The following LOXL1 variants were observed in gnomAD, a reference collection of about 807,000 sequenced individuals.
LOXL1 encodes lysyl oxidase homolog 1.
LOXL1 carries 31 observed loss-of-function variants against 62.2 expected under a neutral mutation model. The observed-to-expected ratio is 0.50, with a 90% CI of 0.37 to 0.67. The LOEUF (loss-of-function observed/expected upper bound fraction) is 0.67, where lower values mean the gene tolerates loss of function less well. LOXL1 is among the 30% of genes least tolerant of loss of function. The probability of loss-of-function intolerance (pLI) is 0.00; values close to 1 mark genes in which losing one functional copy is unlikely to be tolerated. For synonymous variants in LOXL1, 403 were observed against 384.4 expected (o/e 1.05, Z -0.56); for missense variants, 775 against 843.4 (o/e 0.92, Z 1.00).
In LOXL1 at chr15:73,926,593, C is replaced by T; in HGVS notation, c.-191C>T. ...AGCCCTGGGCACCGCCCCTGCCCTG[C>T]CCTGACCCCTTGGCCTTGAAATGCT... On this transcript the variant is annotated 5_prime_UTR_variant, in exon 1 of 7. Coordinates refer to ENST00000261921, the MANE Select transcript of LOXL1 (RefSeq NM_005576.4). 3.4e-6 allele frequency: 2 copies of T among 596,184 alleles called. No homozygotes were observed. Among genetic ancestry groups the T allele is most frequent in the Non-Finnish European group, 5.2e-6 (2 of 388,018 alleles). 36.9% of individuals were successfully genotyped at this position (596,184 alleles called of 1,614,324 possible).
rs545964567 is a variant in LOXL1, at chr15:73,926,950, A to T, written c.167A>T (p.Asn56Ile). 5 of 1,554,704 alleles carry T rather than the reference A, an allele frequency of 3.2e-6. No individual in the cohort carries two copies. Among genetic ancestry groups the T allele is most frequent in the African/African-American group, 1.4e-5 (1 of 72,174 alleles). Residue 56 changes from asparagine to isoleucine, a missense_variant, in exon 1 of 7, where the codon AAC (asparagine) becomes ATC (isoleucine). Coordinates refer to ENST00000261921, the MANE Select transcript of LOXL1 (RefSeq NM_005576.4). ...ENNGQVYSLL[N>I]SGSEYVPAGP... ...AACGGGCAGGTGTACAGCTTGCTCA[A>T]CTCGGGCTCAGAGTACGTGCCGGCC...
chr15:73,951,760 C>A (rs1050509596), intron 6 of LOXL1, 71 bp from the exon 7 acceptor site: 1 of 1,393,358 alleles, frequency 7.2e-7, no homozygotes, highest in Non-Finnish European at 9.6e-7. Context: ...GTGGGAGGGA[C>A]GCCCTGGCTG....
intron 1 of LOXL1, among the ~76,000 whole-genome samples, chr15:73,933,638 C>CAGTAGCTCCCT (rs368942573): frequency 6.6e-6 from 1 of 152,246 alleles, no homozygotes; most frequent in African/African-American, 2.4e-5. Flanking sequence ...TACCCCTCTC[C>CAGTAGCTCCCT]AGTAGCTCCC....
At chr15:73,929,943 T>C (rs2068624250) in intron 1 of LOXL1, among the ~76,000 whole-genome samples, 1 of 152,184 alleles carries the variant, frequency 6.6e-6, no homozygotes, top group South Asian at 2.1e-4. Context: ...TGTTAGTTCT[T>C]AAGGAAGCCA....
chr15:73,949,315 C>G, intron 5 of LOXL1, 144 bp from the exon 6 acceptor site: 3 of 667,710 alleles, frequency 4.5e-6, no homozygotes, highest in Non-Finnish European at 8.2e-6. Flanking sequence ...CCCTCTGTGT[C>G]TCTCTAGCAG....
chr15:73,951,849 G>A lies in LOXL1; in HGVS notation c.*12G>A. 2.6e-6 allele frequency: 4 copies of A among 1,542,990 alleles called. No individual in the cohort carries two copies. The highest frequency in any genetic ancestry group is 3.5e-6 in the Non-Finnish European group (4 of 1,140,354). Reference sequence around the variant, plus strand: ...TCCTCAGATCCTGATCTCCGGGAGGGACAGATGGCCAATCTCTCCCCTTCC... The same window carrying A: ...TCCTCAGATCCTGATCTCCGGGAGGAACAGATGGCCAATCTCTCCCCTTCC... On this transcript the variant is annotated 3_prime_UTR_variant, in exon 7 of 7. Transcript: ENST00000261921.
chr15:73,949,536 A>G lies in LOXL1; in HGVS notation c.1680A>G (p.Thr560=). 6.2e-7 allele frequency: 1 copy of G among 1,614,086 alleles called. No individual in the cohort carries two copies. Among genetic ancestry groups the G allele is most frequent in the Non-Finnish European group, 8.5e-7 (1 of 1,179,930 alleles). The change falls in exon 6 of 7, where the codon ACA becomes ACG. Residue 560 remains threonine, a synonymous_variant. Transcript: ENST00000261921. The part of the protein sequence containing the change: ...NNVVRCNIHY[T]GRYVSATNCK... Reference sequence around the variant, plus strand: ...TGGTGAGATGCAACATTCACTACACAGGTCGCTACGTTTCTGCAACAAACT... The same window carrying G: ...TGGTGAGATGCAACATTCACTACACGGGTCGCTACGTTTCTGCAACAAACT...
In LOXL1 at chr15:73,926,911, T is replaced by A. The variant is rs1431232912; in HGVS notation, c.128T>A (p.Ile43Asn). The A allele has an allele frequency of 1.3e-6, 2 of 1,569,852 alleles. No homozygotes were observed. Among genetic ancestry groups the A allele is most frequent in the Non-Finnish European group, 1.7e-6 (2 of 1,158,720 alleles). ...GSDPARWRQL[I>N]QWENNGQVYS... The stretch of plus-strand genomic sequence containing the variant: ...GACCCCGCCCGCTGGCGGCAGCTGA[T>A]CCAGTGGGAGAACAACGGGCAGGTG... The change falls in exon 1 of 7, where the codon ATC becomes AAC. Residue 43 changes from isoleucine (I) to asparagine (N), a missense_variant. Physicochemically the swap from Ile to Asn is moderately radical, Grantham distance 149. Transcript: ENST00000261921.
At chr15:73,931,761 CT>C (rs1032974819) in intron 1 of LOXL1, among the ~76,000 whole-genome samples, 1 of 152,202 alleles carries the variant, frequency 6.6e-6, no homozygotes, top group African/African-American at 2.4e-5. Context: ...CACAGGCTGC[CT>C]GCCCACCTCT....
Position 73,946,929 on chromosome 15 carries a change from C to T in LOXL1, c.1350-138C>T, listed in dbSNP as rs1482711528. ...CACAGAGGGGCCACCCCGCAGTACT[C>T]AGGAGACAGGAGAACCTAGACCAGC... is the stretch of plus-strand genomic sequence containing the variant. On this transcript the variant is annotated intron_variant, in intron 3 of 6. Transcript: ENST00000261921. The T allele has an allele frequency of 9.5e-6, 9 of 951,144 alleles. No homozygotes were observed. In the East Asian group the frequency reaches 2.4e-4, roughly 25 times the overall value. 58.9% of individuals were successfully genotyped at this position (951,144 alleles called of 1,614,324 possible). A position where few individuals can be genotyped will look rare whatever the true frequency, so the allele number is the denominator to read the frequency against.
At chr15:73,941,767 C>G (rs987173365) in intron 1 of LOXL1, 1 of 153,586 alleles carries the variant, frequency 6.5e-6, no homozygotes, top group African/African-American at 2.4e-5. Context: ...CACTGCTGCC[C>G]GCACCCACCC....
chr15:73,928,723 C>T (rs1156619471), intron 1 of LOXL1, among the ~76,000 whole-genome samples: 2 of 151,776 alleles, frequency 1.3e-5, no homozygotes, highest in Non-Finnish European at 2.9e-5. Context: ...ATCAGCAACA[C>T]GGATCCTGTC....
intron 6 of LOXL1, 96 bp from the exon 7 acceptor site, chr15:73,951,735 C>T (rs2068788602): frequency 4.4e-6 from 5 of 1,141,816 alleles, no homozygotes; most frequent in Admixed American, 5.5e-5. Context: ...TGCCCTGCCA[C>T]GAGGGATCTG....
intron 2 of LOXL1, among the ~76,000 whole-genome samples, chr15:73,944,334 T>C (rs1327413127): frequency 6.6e-6 from 1 of 152,190 alleles, no homozygotes; most frequent in Non-Finnish European, 1.5e-5. Context: ...GGACCTGCGC[T>C]CCCAGCTGGG....
In LOXL1 at chr15:73,947,662, G is replaced by T. The variant is rs561804332; in HGVS notation, c.1507-145G>T. On this transcript the variant is annotated intron_variant, in intron 4 of 6. Coordinates refer to ENST00000261921, the MANE Select transcript of LOXL1 (RefSeq NM_005576.4). ...CCATCTAGCCAGTGGCTTTAGGAAGGTGTGGACCCACCCTGAGCAGTTGCC... is the reference window on the plus strand; with the variant it reads ...CCATCTAGCCAGTGGCTTTAGGAAGTTGTGGACCCACCCTGAGCAGTTGCC... 30 of 621,494 alleles carry T rather than the reference G, an allele frequency of 4.8e-5. No homozygotes were observed. In the African/African-American group the frequency reaches 5.5e-4, roughly 11 times the overall value. 38.5% of individuals were successfully genotyped at this position (621,494 alleles called of 1,614,324 possible). A position where few individuals can be genotyped will look rare whatever the true frequency, so the allele number is the denominator to read the frequency against.
chr15:73,936,276 C>CT (rs2068671715), intron 1 of LOXL1, among the ~76,000 whole-genome samples: 1 of 152,152 alleles, frequency 6.6e-6, no homozygotes, highest in Admixed American at 6.5e-5. Flanking sequence ...CTGCAGCCAC[C>CT]TTGCCTGCCT....
At chr15:73,948,447 T>C (rs1007084918) in intron 5 of LOXL1, among the ~76,000 whole-genome samples, 1 of 152,168 alleles carries the variant, frequency 6.6e-6, no homozygotes, top group Non-Finnish European at 1.5e-5. Flanking sequence ...GGTACATCCG[T>C]GTAGGCCAGG....
Position 73,926,682 on chromosome 15 carries a change from G to A in LOXL1, c.-102G>A, listed in dbSNP as rs906238003. 1.2e-5 allele frequency: 15 copies of A among 1,283,062 alleles called. No homozygotes were observed. In the African/African-American group the frequency reaches 1.4e-4, roughly 12 times the overall value. 79.5% of individuals were successfully genotyped at this position (1,283,062 alleles called of 1,614,324 possible). On this transcript the variant is annotated 5_prime_UTR_variant, in exon 1 of 7. Transcript: ENST00000261921. ...ATGGACAAAGCTAGAGCTGGGGCAA[G>A]CAAGGAGCCTTCCTGTCCTCGAGGC...
rs776803816 is a variant in LOXL1 at position 73,947,117 on chromosome 15, C to T, written c.1400C>T (p.Ala467Val). The T allele has an allele frequency of 6.7e-5, 108 of 1,613,498 alleles. No homozygotes were observed. Among genetic ancestry groups the T allele is most frequent in the Non-Finnish European group, 8.6e-5 (101 of 1,179,584 alleles). ...EFSHYDLLDA[A>V]TGKKVAEGHK... ...AGCCACTACGACCTACTGGATGCAGCCACAGGCAAGAAGGTGGCCGAGGGC... is the reference window on the plus strand; with the variant it reads ...AGCCACTACGACCTACTGGATGCAGTCACAGGCAAGAAGGTGGCCGAGGGC... Residue 467 changes from alanine to valine, a missense_variant, in exon 4 of 7, where the codon GCC (alanine) becomes GTC (valine). Ala to Val is a moderately conservative substitution (Grantham distance 64). Transcript: ENST00000261921.
Sources: allele counts gnomAD v4.1 joint callset (sites outside exome capture counted in the v4.1 genomes callset), GRCh38; gene constraint gnomAD v4.1.1; transcripts MANE v1.5; gene names NCBI Gene and HGNC (gene_info 2026-07-23, HGNC 2026-07-21).